The following LUC7L2 variants were observed in gnomAD, a reference collection of about 807,000 sequenced individuals.
LUC7L2 encodes the protein putative RNA-binding protein Luc7-like 2.
A neutral mutation model predicts 52.8 loss-of-function variants in LUC7L2; 25 were observed. The observed-to-expected ratio is 0.47, with a 90% CI of 0.34 to 0.66. The LOEUF is 0.66. Among genes scored for constraint, LUC7L2 ranks in the 30% least tolerant of loss-of-function variants. The pLI is 0.01. For missense variants in LUC7L2, 328 were observed against 497.8 expected (o/e 0.66, Z 3.25); for synonymous variants, 144 against 160.9 (o/e 0.89, Z 0.80).
Position 139,412,542 on chromosome 7 carries a change from T to A in LUC7L2, c.780-9T>A. 6.2e-7 allele frequency: 1 copy of A among 1,602,568 alleles called. No individual in the cohort carries two copies. The highest frequency in any genetic ancestry group is 1.1e-5 in the South Asian group (1 of 87,962). ...CACTTTTCTAAAAATACATATTTTT[T>A]TTTTTTAGGTCCCGATCACACAGCA... On this transcript the variant is annotated splice_polypyrimidine_tract_variant and intron_variant, in intron 7 of 9. Transcript: ENST00000354926.
At chr7:139,405,390 C>A (rs1218983790) in intron 4 of LUC7L2, among the ~76,000 whole-genome samples, 3 of 152,122 alleles carry the variant, frequency 2.0e-5, no homozygotes, top group Non-Finnish European at 4.4e-5. Flanking sequence ...GTATTTTACA[C>A]TAGGAATACA....
In LUC7L2 at chr7:139,398,636, T is replaced by A; in HGVS notation, c.194T>A (p.Leu65Gln). 1 of 1,612,944 alleles carries A rather than the reference T, an allele frequency of 6.2e-7. No individual in the cohort carries two copies. Among genetic ancestry groups the A allele is most frequent in the Non-Finnish European group, 8.5e-7 (1 of 1,179,616 alleles). ...DLGECLKVHD[L>Q]ALRADYEIAS... The stretch of plus-strand genomic sequence containing the variant: ...GGAGAATGTCTGAAAGTCCATGACC[T>A]GGCTTTAAGAGCGGATTATGAAATT... Residue 65 changes from leucine to glutamine, a missense_variant, in exon 3 of 10, where the codon CTG (leucine) becomes CAG (glutamine). Transcript: ENST00000354926.
chr7:139,403,706 A>G (rs1795009200), intron 4 of LUC7L2, among the ~76,000 whole-genome samples: 6 of 152,182 alleles, frequency 3.9e-5, no homozygotes, highest in Admixed American at 3.9e-4. Context: ...TTAAAACACT[A>G]TTTATTTAGC....
At chr7:139,364,695 G>A (rs887639398) in intron 1 of LUC7L2, among the ~76,000 whole-genome samples, 1 of 152,184 alleles carries the variant, frequency 6.6e-6, no homozygotes, top group African/African-American at 2.4e-5. Flanking sequence ...GTACATAACC[G>A]TGTAATCTGT....
At chr7:139,412,605 A>T (rs1795410254) in intron 8 of LUC7L2, 25 bp downstream of exon 8, 2 of 1,586,942 alleles carry the variant, frequency 1.3e-6, no homozygotes, top group African/African-American at 1.4e-5. Context: ...TAAGACAGGT[A>T]TAAGTAGTGA....
intron 2 of LUC7L2, among the ~76,000 whole-genome samples, chr7:139,384,891 G>C (rs1483105138): frequency 1.3e-5 from 2 of 152,110 alleles, no homozygotes; most frequent in Non-Finnish European, 1.5e-5. Flanking sequence ...AAGTAGCTGG[G>C]ACTACTGCAG....
chr7:139,367,610 C>G (rs1238385993), intron 1 of LUC7L2, among the ~76,000 whole-genome samples: 1 of 152,170 alleles, frequency 6.6e-6, no homozygotes, highest in African/African-American at 2.4e-5. Context: ...TTGTGCAAAT[C>G]TCATACTTTG....
chr7:139,384,927 T>A (rs1794127553), intron 2 of LUC7L2, among the ~76,000 whole-genome samples: 1 of 152,178 alleles, frequency 6.6e-6, no homozygotes. Flanking sequence ...TCTGGCTCTA[T>A]TTTGAATAAT....
At chr7:139,420,722 A>G (rs1175694080) in intron 9 of LUC7L2, among the ~76,000 whole-genome samples, 1 of 152,092 alleles carries the variant, frequency 6.6e-6, no homozygotes, top group African/African-American at 2.4e-5. Context: ...CATTTTTACC[A>G]TCTCTTTTCA....
chr7:139,419,716 A>T (rs1187079564), intron 9 of LUC7L2, among the ~76,000 whole-genome samples: 5 of 152,160 alleles, frequency 3.3e-5, no homozygotes, highest in Non-Finnish European at 5.9e-5. Context: ...TCCTGCGTTG[A>T]TGAAGTTGTA....
rs758698478 is a variant in LUC7L2, at chr7:139,422,446, C to T, written c.*106C>T. The T allele has an allele frequency of 6.7e-7, 1 of 1,484,376 alleles. No individual in the cohort carries two copies. Among genetic ancestry groups the T allele is most frequent in the Non-Finnish European group, 8.9e-7 (1 of 1,119,292 alleles). 92.0% of individuals were successfully genotyped at this position (1,484,376 alleles called of 1,614,324 possible). A position where few individuals can be genotyped will look rare whatever the true frequency, so the allele number is the denominator to read the frequency against. ...CAGTGAGCAGATCCAGACACCAGAT[C>T]CAGCTAGGCTAGATGTACAGTATCT... On this transcript the variant is annotated 3_prime_UTR_variant, in exon 10 of 10. Coordinates refer to ENST00000354926, the MANE Select transcript of LUC7L2 (RefSeq NM_016019.5).
chr7:139,402,339 T>G, intron 4 of LUC7L2, 92 bp downstream of exon 4: 1 of 1,263,852 alleles, frequency 7.9e-7, no homozygotes, highest in Non-Finnish European at 1.0e-6. Flanking sequence ...TTGCAAGAGA[T>G]TGCAAAGACA....
intron 1 of LUC7L2, chr7:139,363,050 C>A: frequency 5.8e-6 from 1 of 171,222 alleles, no homozygotes; most frequent in Non-Finnish European, 1.2e-5. Flanking sequence ...GGGCTTTAGA[C>A]AATCTGAGGG....
intron 9 of LUC7L2, 52 bp from the exon 10 acceptor site, chr7:139,422,111 T>C: frequency 6.5e-7 from 1 of 1,549,840 alleles, no homozygotes. Context: ...TTCTTTAATT[T>C]GGGTTTTTGG....
At chr7:139,408,854 A>C (rs1179124643) in intron 6 of LUC7L2, among the ~76,000 whole-genome samples, 1 of 150,980 alleles carries the variant, frequency 6.6e-6, no homozygotes, top group African/African-American at 2.4e-5. Flanking sequence ...AAAAAAAAAA[A>C]AAAAGTCATG....
chr7:139,372,787 A>T (rs879708040), intron 1 of LUC7L2, among the ~76,000 whole-genome samples: 1 of 152,142 alleles, frequency 6.6e-6, no homozygotes, highest in Non-Finnish European at 1.5e-5. Flanking sequence ...AAAAAAATTT[A>T]AAAAATTAAA....
chr7:139,406,987 G>A (rs1268258054), intron 5 of LUC7L2, among the ~76,000 whole-genome samples, 187 bp from the exon 6 acceptor site: 2 of 135,486 alleles, frequency 1.5e-5, no homozygotes, highest in African/African-American at 3.0e-5. Flanking sequence ...TAACAAAATA[G>A]CCATGCTTTT....
chr7:139,397,155 T>G (rs749066513), intron 2 of LUC7L2, among the ~76,000 whole-genome samples: 1 of 152,250 alleles, frequency 6.6e-6, no homozygotes, highest in Non-Finnish European at 1.5e-5. Context: ...AACTTCCCTG[T>G]GATTAATAGT....
chr7:139,406,509 T>C (rs1795120911), intron 5 of LUC7L2, among the ~76,000 whole-genome samples: 1 of 151,820 alleles, frequency 6.6e-6, no homozygotes, highest in African/African-American at 2.4e-5. Context: ...TGCACCACCA[T>C]GCCCGGCTAA....
Sources: allele counts gnomAD v4.1 joint callset (sites outside exome capture counted in the v4.1 genomes callset), GRCh38; gene constraint gnomAD v4.1.1; transcripts MANE v1.5; gene names NCBI Gene and HGNC (gene_info 2026-07-23, HGNC 2026-07-21).